PDE4B: variants seen among roughly 807,000 people sequenced by gnomAD.
PDE4B encodes 3',5'-cyclic-AMP phosphodiesterase 4B.
A neutral mutation model predicts 82.2 loss-of-function variants in PDE4B; 20 were observed. The ratio of observed to expected loss-of-function variants is 0.24; its 90% CI spans 0.17 to 0.35. The LOEUF (loss-of-function observed/expected upper bound fraction) is 0.35. Among genes scored for constraint, PDE4B ranks in the 10% least tolerant of loss-of-function variants. PDE4B has a pLI of 1.00. For synonymous variants in PDE4B, 320 were observed against 318.9 expected, an observed-to-expected ratio of 1.00 and a Z score of -0.04; for missense variants, 655 against 907.2, an observed-to-expected ratio of 0.72 and a Z score of 3.57.
chr1:65,864,872 C>A (rs1169414073), intron 1 of PDE4B, among the ~76,000 whole-genome samples: 1 of 152,168 alleles, frequency 6.6e-6, no homozygotes, highest in East Asian at 1.9e-4. Context: ...GCAGTCAGTC[C>A]CTTAGCAGAG....
At chr1:66,008,198 CACATTAGAGAGAAGAG>C (rs549396626) in intron 3 of PDE4B, among the ~76,000 whole-genome samples, 5 of 152,040 alleles carry the variant, frequency 3.3e-5, no homozygotes, top group Admixed American at 6.6e-5. Flanking sequence ...CAGAATTTGG[CACATTAGAGAGAAGAG>C]ACAAAGGGGA....
intron 3 of PDE4B, among the ~76,000 whole-genome samples, chr1:66,063,731 T>G (rs1655698751): frequency 6.6e-6 from 1 of 152,022 alleles, no homozygotes; most frequent in South Asian, 2.1e-4. Context: ...TAATTAACAT[T>G]GGGTAAAATA....
chr1:65,823,106 A>C (rs769567565), intron 1 of PDE4B, among the ~76,000 whole-genome samples: 1 of 152,098 alleles, frequency 6.6e-6, no homozygotes, highest in Non-Finnish European at 1.5e-5. Flanking sequence ...ATTTTAAAAA[A>C]TTCTGGACAG....
At chr1:66,158,073 T>G (rs923836891) in intron 3 of PDE4B, among the ~76,000 whole-genome samples, 2 of 152,182 alleles carry the variant, frequency 1.3e-5, no homozygotes, top group Non-Finnish European at 1.5e-5. Context: ...ACAGAAGCAT[T>G]TCACACTAAT....
intron 3 of PDE4B, among the ~76,000 whole-genome samples, chr1:66,019,318 T>C (rs1040460974): frequency 2.6e-5 from 4 of 151,778 alleles, no homozygotes; most frequent in African/African-American, 9.7e-5. Context: ...TGGAATGTTC[T>C]AGCAAATATT....
intron 7 of PDE4B, among the ~76,000 whole-genome samples, chr1:66,294,196 A>T (rs1657326133): frequency 6.6e-6 from 1 of 151,422 alleles, no homozygotes. Context: ...ACACAGCAAT[A>T]CTCCGTCTCA....
intron 7 of PDE4B, among the ~76,000 whole-genome samples, chr1:66,291,570 T>G (rs1025203360): frequency 1.3e-5 from 2 of 152,162 alleles, no homozygotes; most frequent in African/African-American, 4.8e-5. Context: ...TTAATAGATT[T>G]TATTATTTCC....
chr1:66,134,215 A>G (rs2503171), intron 3 of PDE4B, among the ~76,000 whole-genome samples: 152,156 of 152,350 alleles, frequency 1, 75,981 homozygotes, highest in Middle Eastern at 1. Flanking sequence ...AGAAACAATT[A>G]TGTCTTAGGC....
intron 8 of PDE4B, among the ~76,000 whole-genome samples, chr1:66,349,198 G>C (rs892840261): frequency 2.0e-5 from 3 of 152,096 alleles, no homozygotes; most frequent in African/African-American, 7.2e-5. Flanking sequence ...AGGCATTAAT[G>C]GTTTTTCCCT....
At chr1:66,352,089 A>G (rs2101992637) in intron 8 of PDE4B, among the ~76,000 whole-genome samples, 1 of 152,250 alleles carries the variant, frequency 6.6e-6, no homozygotes, top group South Asian at 2.1e-4. Context: ...TTGCTTTCAC[A>G]TCAGTGTGGT....
intron 7 of PDE4B, among the ~76,000 whole-genome samples, chr1:66,315,519 G>C (rs1002011803): frequency 6.6e-6 from 1 of 152,130 alleles, no homozygotes; most frequent in Non-Finnish European, 1.5e-5. Context: ...GCAGTGGCAC[G>C]ATCTTGGCTC....
chr1:65,856,076 C>A (rs1317858875), intron 1 of PDE4B, among the ~76,000 whole-genome samples: 1 of 152,044 alleles, frequency 6.6e-6, no homozygotes, highest in Non-Finnish European at 1.5e-5. Context: ...CTTTTTATGA[C>A]CAAAATATGC....
chr1:66,124,681 A>G (rs1221911169), intron 3 of PDE4B, among the ~76,000 whole-genome samples: 1 of 152,186 alleles, frequency 6.6e-6, no homozygotes, highest in Non-Finnish European at 1.5e-5. Context: ...AGGTAGGTAC[A>G]GCAGGTCCTC....
intron 3 of PDE4B, among the ~76,000 whole-genome samples, chr1:66,011,719 C>T (rs911579501): frequency 3.3e-5 from 5 of 151,966 alleles, no homozygotes; most frequent in East Asian, 3.8e-4. Flanking sequence ...AAAGTTATTT[C>T]GGTCCTTATT....
chr1:66,131,286 A>T (rs1645936904), intron 3 of PDE4B, among the ~76,000 whole-genome samples: 1 of 152,028 alleles, frequency 6.6e-6, no homozygotes, highest in South Asian at 2.1e-4. Context: ...CCATTTTTTT[A>T]TATGGGGGCT....
At chr1:66,223,751 A>G (rs1003596392) in intron 3 of PDE4B, among the ~76,000 whole-genome samples, 8 of 151,726 alleles carry the variant, frequency 5.3e-5, no homozygotes, top group East Asian at 1.9e-4. Context: ...CTTAGAGATC[A>G]TTTTATTCCC....
intron 3 of PDE4B, among the ~76,000 whole-genome samples, chr1:66,152,683 G>A (rs887545779): frequency 6.7e-6 from 1 of 149,872 alleles, no homozygotes; most frequent in Non-Finnish European, 1.5e-5. Flanking sequence ...GAAGTTTATT[G>A]TAAGGAACCA....
intron 7 of PDE4B, among the ~76,000 whole-genome samples, chr1:66,324,969 CT>C (rs1450529768): frequency 6.6e-6 from 1 of 152,084 alleles, no homozygotes; most frequent in African/African-American, 2.4e-5. Flanking sequence ...AAAATTATAT[CT>C]AACTCTAAGG....
At chr1:65,983,648 G>C (rs114678649) in intron 3 of PDE4B, among the ~76,000 whole-genome samples, 1 of 152,108 alleles carries the variant, frequency 6.6e-6, no homozygotes, top group African/African-American at 2.4e-5. Flanking sequence ...TATAAGCCAC[G>C]GAGAAAGGCC....
Sources: allele counts gnomAD v4.1 joint callset (sites outside exome capture counted in the v4.1 genomes callset), GRCh38; gene constraint gnomAD v4.1.1; transcripts MANE v1.5; gene names NCBI Gene and HGNC (gene_info 2026-07-23, HGNC 2026-07-21).